Variants in UNC13C observed in about 807,000 individuals in gnomAD.
UNC13C encodes the protein protein unc-13 homolog C.
Under a neutral mutation model 245.4 loss-of-function variants are expected in UNC13C, and 174 were observed. The observed-to-expected ratio is 0.71, with a 90% CI of 0.63 to 0.80. The LOEUF is 0.80. Among genes scored for constraint, UNC13C ranks in the 30% least tolerant of loss-of-function variants. UNC13C has a pLI of 0.00. For synonymous variants in UNC13C, 992 were observed against 895.1 expected (o/e 1.11, Z -1.93); for missense variants, 2,829 against 2,602.9 (o/e 1.09, Z -1.89).
intron 10 of UNC13C, among the ~76,000 whole-genome samples, chr15:54,289,426 G>A (rs536122024): frequency 5.3e-5 from 8 of 152,126 alleles, no homozygotes; most frequent in South Asian, 4.1e-4. Flanking sequence ...AAAATGTATC[G>A]GCTTTCTAGC....
At chr15:54,330,456 A>G (rs115742738) in intron 14 of UNC13C, among the ~76,000 whole-genome samples, 1,623 of 152,108 alleles carry the variant, frequency 0.011, 27 homozygotes, top group African/African-American at 0.037. Context: ...TGGGCAGACA[A>G]CCACCACCAT....
At chr15:53,996,361 C>A (rs2616917) in intron 1 of UNC13C, among the ~76,000 whole-genome samples, 1 of 152,080 alleles carries the variant, frequency 6.6e-6, no homozygotes, top group African/African-American at 2.4e-5. Flanking sequence ...CTGGTCTTTG[C>A]GGTAAAGATT....
chr15:54,193,280 TC>T (rs1227949481), intron 4 of UNC13C, among the ~76,000 whole-genome samples: 3 of 152,282 alleles, frequency 2.0e-5, no homozygotes, highest in Admixed American at 6.6e-5. Flanking sequence ...TTACTACTGG[TC>T]ACTTATGACC....
intron 4 of UNC13C, among the ~76,000 whole-genome samples, chr15:54,192,577 A>C (rs1407443955): frequency 6.6e-6 from 1 of 152,126 alleles, no homozygotes; most frequent in African/African-American, 2.4e-5. Flanking sequence ...GTATCTGGAT[A>C]GTTCCTTTGT....
intron 2 of UNC13C, among the ~76,000 whole-genome samples, chr15:54,102,041 C>T (rs1054252861): frequency 3.4e-5 from 5 of 148,902 alleles, no homozygotes; most frequent in Non-Finnish European, 4.4e-5. Context: ...CATTTGACGC[C>T]TGCCTACTAG....
At chr15:53,843,580 C>G in the UNC13C span, among the ~76,000 whole-genome samples, 1 of 151,582 alleles carries the variant, frequency 6.6e-6, no homozygotes, top group Non-Finnish European at 1.5e-5. Flanking sequence ...AAGGAGGGAC[C>G]AGTGGGTGAG....
chr15:54,407,956 T>C (rs944803292), intron 18 of UNC13C, among the ~76,000 whole-genome samples: 15 of 151,746 alleles, frequency 9.9e-5, no homozygotes, highest in East Asian at 3.9e-4. Flanking sequence ...AATCCCAGCA[T>C]TTTGGGAGGC....
chr15:54,294,261 G>A (rs1290815548), intron 11 of UNC13C, among the ~76,000 whole-genome samples, 197 bp downstream of exon 11: 1 of 151,938 alleles, frequency 6.6e-6, no homozygotes, highest in Non-Finnish European at 1.5e-5. Context: ...GTAAATTTGA[G>A]GTGAAAGGAG....
At chr15:53,948,821 T>A in the UNC13C span, among the ~76,000 whole-genome samples, 6 of 151,072 alleles carry the variant, frequency 4.0e-5, no homozygotes, top group Non-Finnish European at 7.4e-5. Flanking sequence ...TGACACAGAG[T>A]AGGAAGTATG....
chr15:54,622,130 T>TG (rs990733522), intron 30 of UNC13C, among the ~76,000 whole-genome samples, 197 bp from the exon 31 acceptor site: 17 of 152,210 alleles, frequency 1.1e-4, no homozygotes, highest in African/African-American at 4.1e-4. Context: ...TTTAGTTCAA[T>TG]GGGGTAATTA....
chr15:54,628,926 T>C (rs1396323925), downstream of UNC13C: 1 of 150,312 alleles, frequency 6.7e-6, no homozygotes, highest in Non-Finnish European at 1.5e-5. Context: ...GCAATCCCAT[T>C]ACTGAGTACA....
intron 30 of UNC13C, among the ~76,000 whole-genome samples, chr15:54,587,600 G>C (rs946341505): frequency 7.9e-5 from 12 of 152,118 alleles, no homozygotes; most frequent in African/African-American, 2.9e-4. Flanking sequence ...CTAATGTATG[G>C]TCATTCTGTT....
chr15:54,114,668 C>A (rs1367117763), intron 2 of UNC13C, among the ~76,000 whole-genome samples: 1 of 152,038 alleles, frequency 6.6e-6, no homozygotes, highest in African/African-American at 2.4e-5. Context: ...CTACATATAA[C>A]CTTTTACCTC....
At position 54,051,335 on chromosome 15, in the gene UNC13C, T is replaced by C. The variant is rs1897257679; in HGVS notation, c.2983+35449T>C. ...AATTTCATCATTTTCCAAATGATTA[T>C]AGAGTGTCTTGACACTCATTATTTA... On this transcript the variant is annotated intron_variant, in intron 2 of 32. Transcript: ENST00000260323. Among the ~76,000 whole-genome samples, 3 of 152,204 alleles carry C rather than the reference T, an allele frequency of 2.0e-5. No homozygotes were observed. In the South Asian group the frequency reaches 6.2e-4, roughly 31 times the overall value.
At chr15:54,606,637 G>A (rs1034165574) in intron 30 of UNC13C, among the ~76,000 whole-genome samples, 13 of 152,162 alleles carry the variant, frequency 8.5e-5, no homozygotes, top group South Asian at 2.1e-4. Flanking sequence ...TTCAATCCTC[G>A]TAGTACCATA....
At chr15:54,321,492 C>T in intron 13 of UNC13C, 2 of 480,056 alleles carry the variant, frequency 4.2e-6, no homozygotes, top group East Asian at 5.7e-5. Context: ...TCCACAGTGG[C>T]ATATGTGACA....
At chr15:54,196,930 C>G (rs151292689) in intron 4 of UNC13C, among the ~76,000 whole-genome samples, 13 of 152,188 alleles carry the variant, frequency 8.5e-5, no homozygotes, top group African/African-American at 3.1e-4. Flanking sequence ...TCTATTATAT[C>G]ATCACCTCTG....
At chr15:54,483,780 C>T (rs1304434806) in intron 19 of UNC13C, among the ~76,000 whole-genome samples, 1 of 152,222 alleles carries the variant, frequency 6.6e-6, no homozygotes, top group African/African-American at 2.4e-5. Flanking sequence ...TACTTATTTT[C>T]TGTCTTTGCC....
the UNC13C span, among the ~76,000 whole-genome samples, chr15:53,880,077 A>T: frequency 6.6e-6 from 1 of 152,102 alleles, no homozygotes; most frequent in African/African-American, 2.4e-5. Flanking sequence ...GCAAGGTCAA[A>T]GGAGGGCCAC....
Sources: gnomAD v4.1 joint callset for allele counts (sites outside exome capture counted in the v4.1 genomes callset) on GRCh38, gnomAD v4.1.1 for gene constraint, MANE v1.5 for transcripts, NCBI Gene and HGNC (gene_info 2026-07-23, HGNC 2026-07-21) for gene names.